Variants in LIPA observed in about 807,000 individuals in gnomAD.
LIPA encodes the protein lysosomal acid lipase/cholesteryl ester hydrolase.
In LIPA, 26 loss-of-function variants were observed where a neutral mutation model predicts 40.6. That is an observed-to-expected ratio of 0.64 (90% confidence interval 0.47 to 0.89). LIPA has a LOEUF of 0.89. Ranked by LOEUF, LIPA falls within the 40% of genes least tolerant of loss-of-function variation. The pLI, the probability that LIPA is intolerant of heterozygous loss-of-function variation, is 0.00. For synonymous variants in LIPA, 188 were observed against 168.4 expected, an observed-to-expected ratio of 1.12 and a Z score of -0.90; for missense variants, 455 against 479.6, an observed-to-expected ratio of 0.95 and a Z score of 0.48.
intron 1 of LIPA, among the ~76,000 whole-genome samples, chr10:89,299,387 A>G (rs1436902156): frequency 6.6e-6 from 1 of 152,216 alleles, no homozygotes; most frequent in Non-Finnish European, 1.5e-5. Context: ...ATGAATTATC[A>G]GTATCTCCAA....
intron 1 of LIPA, chr10:89,293,515 G>T (rs1351180761): frequency 6.6e-6 from 1 of 152,042 alleles, no homozygotes. Context: ...TACATTGGCT[G>T]CCATAATGAA....
At chr10:89,298,046 C>G (rs1843425525) in intron 1 of LIPA, among the ~76,000 whole-genome samples, 1 of 152,228 alleles carries the variant, frequency 6.6e-6, no homozygotes, top group Admixed American at 6.5e-5. Flanking sequence ...TGCACCACAG[C>G]CACTGCCAAC....
rs112078574 is a variant in LIPA, at chr10:89,329,893, G to T, written c.-2+12718C>A. ...GTCAGGGAAGGGAGATAGGGGTGGG[G>T]CCATTTTATAAGATTTGGGTAGGTA... On this transcript the variant is annotated intron_variant, in intron 1 of 5. Coordinates refer to the LIPA transcript ENST00000282673. Among the ~76,000 whole-genome samples, 814 of 152,162 alleles carry T rather than the reference G, an allele frequency of 5.3e-3. 7 individuals carry two copies. Among genetic ancestry groups the T allele is most frequent in the African/African-American group, 0.018 (760 of 41,492 alleles).
At chr10:89,236,690 T>C (rs1300127641) in intron 3 of LIPA, among the ~76,000 whole-genome samples, 2 of 152,234 alleles carry the variant, frequency 1.3e-5, no homozygotes, top group Admixed American at 6.5e-5. Context: ...GTGAAGCCAT[T>C]TGTCATTGCA....
chr10:89,331,486 C>T (rs1016638270), intron 1 of LIPA, among the ~76,000 whole-genome samples: 1 of 152,254 alleles, frequency 6.6e-6, no homozygotes, highest in South Asian at 2.1e-4. Flanking sequence ...ATTTTCCATA[C>T]AGAGGCTAAC....
intron 1 of LIPA, chr10:89,339,509 ACAAGGCAAAAG>A (rs754137044): frequency 6.2e-6 from 10 of 1,614,166 alleles, no homozygotes; most frequent in Non-Finnish European, 8.5e-6. Flanking sequence ...GGGTGCTGCT[ACAAGGCAAAAG>A]TAAGACAAAT....
At chr10:89,332,459 CT>C in intron 1 of LIPA, 1 of 1,475,884 alleles carries the variant, frequency 6.8e-7, no homozygotes, top group Non-Finnish European at 9.0e-7. Flanking sequence ...CAAGAGGGAT[CT>C]TGATAGGGTT....
chr10:89,239,360 T>C (rs1471762929), intron 3 of LIPA, among the ~76,000 whole-genome samples: 5 of 152,218 alleles, frequency 3.3e-5, no homozygotes, highest in Non-Finnish European at 1.5e-5. Flanking sequence ...CCTATAAACC[T>C]TGGTTTCCTC....
At chr10:89,237,399 A>C (rs774499883) in intron 3 of LIPA, among the ~76,000 whole-genome samples, 9 of 152,184 alleles carry the variant, frequency 5.9e-5, no homozygotes, top group Non-Finnish European at 1.0e-4. Context: ...TTCCTAGAGG[A>C]AAATGTATCT....
chr10:89,389,019 A>G (rs1844227367), intron 2 of LIPA, among the ~76,000 whole-genome samples: 1 of 152,210 alleles, frequency 6.6e-6, no homozygotes. Context: ...GAAAAATCTC[A>G]GAAGCCAAGA....
chr10:89,398,325 C>T (rs929534088), intron 2 of LIPA, among the ~76,000 whole-genome samples: 3 of 152,160 alleles, frequency 2.0e-5, no homozygotes, highest in African/African-American at 7.2e-5. Context: ...GCGTGATGTT[C>T]CCTGAAAGGG....
At chr10:89,304,763 G>A (rs1227073840) in intron 1 of LIPA, among the ~76,000 whole-genome samples, 3 of 151,698 alleles carry the variant, frequency 2.0e-5, no homozygotes, top group Non-Finnish European at 4.4e-5. Context: ...GGGTTTTTTT[G>A]TTGTTGTTTT....
intron 1 of LIPA, among the ~76,000 whole-genome samples, chr10:89,250,476 C>G (rs1398532997): frequency 6.6e-6 from 1 of 152,158 alleles, no homozygotes; most frequent in East Asian, 1.9e-4. Context: ...CTTCTACTTA[C>G]AACTTTGTAC....
At chr10:89,339,191 C>G (rs773888170) in intron 1 of LIPA, 1 of 1,614,120 alleles carries the variant, frequency 6.2e-7, no homozygotes, top group Non-Finnish European at 8.5e-7. Flanking sequence ...CTGGCAATTG[C>G]GATGTACCAT....
chr10:89,389,806 C>A (rs304500), intron 2 of LIPA, among the ~76,000 whole-genome samples: 28,407 of 151,892 alleles, frequency 0.19, 3,437 homozygotes, highest in East Asian at 0.55. Flanking sequence ...GGCATTGAGT[C>A]GTAAAATACT....
intron 1 of LIPA, among the ~76,000 whole-genome samples, chr10:89,334,654 G>A (rs998982468): frequency 4.0e-5 from 6 of 151,322 alleles, no homozygotes; most frequent in Non-Finnish European, 5.9e-5. Context: ...CACCACGCCC[G>A]GCTAATTTTT....
intron 2 of LIPA, among the ~76,000 whole-genome samples, chr10:89,365,825 A>C (rs146125661): frequency 0.018 from 2,686 of 152,190 alleles, 38 homozygotes; most frequent in African/African-American, 0.043. Flanking sequence ...TGTTTTGGTA[A>C]AAGTACCATG....
chr10:89,400,477 A>G (rs1383254393), intron 2 of LIPA, among the ~76,000 whole-genome samples: 1 of 152,156 alleles, frequency 6.6e-6, no homozygotes, highest in East Asian at 1.9e-4. Context: ...CCAGTGTACA[A>G]GTCTTTTGCC....
chr10:89,255,811 A>G (rs541330110), upstream of LIPA, among the ~76,000 whole-genome samples: 1 of 152,320 alleles, frequency 6.6e-6, no homozygotes, highest in African/African-American at 2.4e-5. Flanking sequence ...GACCTGTGTC[A>G]ACTCAGGCCA....
Sources: allele counts gnomAD v4.1 joint callset (sites outside exome capture counted in the v4.1 genomes callset), GRCh38; gene constraint gnomAD v4.1.1; transcripts MANE v1.5; gene names NCBI Gene and HGNC (gene_info 2026-07-23, HGNC 2026-07-21).